FLG: variants seen among roughly 807,000 people sequenced by gnomAD.
FLG encodes epidermal filaggrin.
In FLG, 6 loss-of-function variants were observed where a neutral mutation model predicts 3.8. The ratio of observed to expected loss-of-function variants is 1.60; its 90% CI spans 0.87 to 3.15. The LOEUF is 3.15. FLG is among the 30% of genes most tolerant of loss of function. FLG has a pLI of 0.00. For missense variants in FLG, 7,595 were observed against 5,050.9 expected (o/e 1.50, Z -15.27); for synonymous variants, 2,551 against 1,931.6 (o/e 1.32, Z -8.41).
rs780477451 is a variant in FLG at position 152,310,153 on chromosome 1, T to A, written c.4733A>T (p.Gln1578Leu). Residue 1578 changes from glutamine (Q) to leucine (L), a missense_variant, in exon 3 of 3, where the codon CAG (glutamine) becomes CTG (leucine). By Grantham distance (113) the Gln-to-Leu change is moderately radical. Transcript: ENST00000368799. ...AGSSRHSQVG[Q>L]GESAGSKTSR... The stretch of plus-strand genomic sequence containing the variant: ...TGTCTTGGACCCCGCTGATTCTCCC[T>A]GGCCCACCTGTGAGTGTCTAGAGCT... The A allele has an allele frequency of 2.5e-6, 4 of 1,613,808 alleles. No homozygotes were observed. The African/African-American group carries it at 5.3e-5, about 22-fold the overall frequency.
At position 152,304,964 on chromosome 1, in the gene FLG, G is replaced by C. The variant is rs747461121; in HGVS notation, c.9922C>G (p.Gln3308Glu). Residue 3308 changes from glutamine (Q) to glutamate (E), a missense_variant, in exon 3 of 3, where the codon CAG becomes GAG. Transcript: ENST00000368799. Reference protein sequence around the residue: ...PGERHGSRHQQSADSSRHSGI... With the variant: ...PGERHGSRHQESADSSRHSGI... ...GAGTGTCTGGAGCTGTCTGCTGACT[G>C]CTGGTGGCGGGATCCGTGTCTCTCT... is the stretch of plus-strand genomic sequence containing the variant. The C allele has an allele frequency of 2.5e-6, 4 of 1,613,962 alleles. No individual in the cohort carries two copies. In the South Asian group the frequency reaches 4.4e-5, roughly 18 times the overall value.
rs74129461 is a variant in FLG, at chr1:152,312,623, C to T, written c.2263G>A (p.Glu755Lys). ...GACACTGACTGTGTGTCTGAGTCTT[C>T]TGAATGTCCCTCACTGTCAGTGGCC... is the stretch of plus-strand genomic sequence containing the variant. ...SQATDSEGHS[E>K]DSDTQSVSGH... The change falls in exon 3 of 3, where the codon GAA becomes AAA. Residue 755 changes from glutamate to lysine, a missense_variant. Coordinates refer to ENST00000368799, the MANE Select transcript of FLG (RefSeq NM_002016.2). 319,019 of 1,613,544 alleles carry T rather than the reference C, an allele frequency of 0.2. 41,828 individuals carry two copies. The highest frequency in any genetic ancestry group is 0.6 in the East Asian group (27,025 of 44,760).
chr1:152,307,168 C>G lies in FLG; in HGVS notation c.7718G>C (p.Ser2573Thr), dbSNP rs755679525. 1.2e-6 allele frequency: 2 copies of G among 1,612,904 alleles called. No individual in the cohort carries two copies. The highest frequency in any genetic ancestry group is 2.2e-5 in the East Asian group (1 of 44,798). ...CTCAGAGTCTTCTGAGTGTCCCTGACTGTCACTGTCCTGGCTAAAACTGGA... is the reference window on the plus strand; with the variant it reads ...CTCAGAGTCTTCTGAGTGTCCCTGAGTGTCACTGTCCTGGCTAAAACTGGA... ...WGSSFSQDSD[S>T]QGHSEDSERW... The change falls in exon 3 of 3, where the codon AGT (serine) becomes ACT (threonine). Residue 2573 changes from serine to threonine, a missense_variant. Physicochemically the swap from Ser to Thr is moderately conservative, Grantham distance 58 (BLOSUM62 1). Transcript: ENST00000368799.
rs369816027 is a variant in FLG at position 152,313,907 on chromosome 1, C to T, written c.979G>A (p.Glu327Lys). The change falls in exon 3 of 3, where the codon GAG (glutamate) becomes AAG (lysine). Residue 327 changes from glutamate (E) to lysine (K), a missense_variant. Glu to Lys is a moderately conservative substitution (Grantham distance 56). Transcript: ENST00000368799. ...TGTCTGGAGCCATCTCTTGACTGCT[C>T]CCACGCAGATCCATGATGGTTTCTG... The part of the protein sequence containing the change: ...ASRNHHGSAW[E>K]QSRDGSRHPR... 3.7e-6 allele frequency: 6 copies of T among 1,613,800 alleles called. No individual in the cohort carries two copies. The African/African-American group carries it at 6.7e-5, about 18-fold the overall frequency.
Position 152,303,546 on chromosome 1 carries a change from C to G in FLG, c.11340G>C (p.Arg3780Ser), listed in dbSNP as rs577463785. The G allele has an allele frequency of 6.2e-6, 10 of 1,613,982 alleles. No individual in the cohort carries two copies. Among genetic ancestry groups the G allele is most frequent in the East Asian group, 2.2e-5 (1 of 44,868 alleles). The change falls in exon 3 of 3, where the codon AGG becomes AGC. Residue 3780 changes from arginine to serine, a missense_variant. By Grantham distance (110) the Arg-to-Ser change is moderately radical. Transcript: ENST00000368799. ...TGTGATGGGACCCTGAGTGTCCAGA[C>G]CTATCTACCGATTGCTCGTGGTAGG... ...QGSYHEQSVD[R>S]SGHSGSHHSH...
chr1:152,315,533 T>C (rs1652759272), intron 1 of FLG, 56 bp from the exon 2 acceptor site: 2 of 1,335,928 alleles, frequency 1.5e-6, no homozygotes, highest in Non-Finnish European at 2.1e-6. Flanking sequence ...CTAGGTTATA[T>C]TATTACAATC....
rs571014503 is a variant in FLG, at chr1:152,303,689, C to G, written c.11197G>C (p.Gly3733Arg). ...AHGRAGPSTG[G>R]RQGSRHEQAR... ...TGCTCGTGGCGGGATCCTTGTCTTC[C>G]TCCAGTACTGGGCCCAGCCCGTCCA... The change falls in exon 3 of 3, where the codon GGA becomes CGA. Residue 3733 changes from glycine to arginine, a missense_variant. Gly to Arg is a moderately radical substitution (Grantham distance 125). Transcript: ENST00000368799. 2.7e-4 allele frequency: 440 copies of G among 1,613,922 alleles called. No homozygotes were observed. The highest frequency in any genetic ancestry group is 3.5e-4 in the Non-Finnish European group (413 of 1,179,986).
chr1:152,309,238 G>C lies in FLG; in HGVS notation c.5648C>G (p.Ser1883Trp). The C allele has an allele frequency of 1.2e-6, 2 of 1,613,476 alleles. No individual in the cohort carries two copies. The highest frequency in any genetic ancestry group is 2.2e-5 in the East Asian group (1 of 44,740). Residue 1883 changes from serine to tryptophan, a missense_variant, in exon 3 of 3, where the codon TCG becomes TGG. Physicochemically the swap from Ser to Trp is radical, Grantham distance 177. Transcript: ENST00000368799. The part of the protein sequence containing the change: ...QSGDGSRHSG[S>W]RHHEASSRAD... Reference sequence around the variant, plus strand: ...CCGAGAGGAAGCTTCATGGTGACGCGACCCTGAGTGCCTGGAGCCGTCTCC... The same window carrying C: ...CCGAGAGGAAGCTTCATGGTGACGCCACCCTGAGTGCCTGGAGCCGTCTCC...
Position 152,311,147 on chromosome 1 carries a change from A to T in FLG, c.3739T>A (p.Ser1247Thr). The change falls in exon 3 of 3, where the codon TCT becomes ACT. Residue 1247 changes from serine (S) to threonine (T), a missense_variant. By Grantham distance (58) the Ser-to-Thr change is moderately conservative. Transcript: ENST00000368799. ...HHEAASWADSSRHSQVGQEQS... is the reference protein window; with the variant it reads ...HHEAASWADSTRHSQVGQEQS... ...TCCTGTCCCACCTGTGAGTGTCTAG[A>T]GCTGTCAGCCCAAGAGGCAGCTTCA... The T allele has an allele frequency of 6.2e-7, 1 of 1,613,214 alleles. No individual in the cohort carries two copies. Among genetic ancestry groups the T allele is most frequent in the Admixed American group, 1.7e-5 (1 of 59,930 alleles).
Position 152,302,962 on chromosome 1 carries a change from C to T in FLG, c.11924G>A (p.Arg3975Lys), listed in dbSNP as rs1353627142. The T allele has an allele frequency of 6.2e-7, 1 of 1,614,180 alleles. No individual in the cohort carries two copies. Among genetic ancestry groups the T allele is most frequent in the East Asian group, 2.2e-5 (1 of 44,884 alleles). ...RQKGQSGLVW[R>K]HGSYGSADYD... The stretch of plus-strand genomic sequence containing the variant: ...ATCTGCACTACCATAGCTGCCATGT[C>T]TCCAAACTAAACCTGATTGACCTTT... The change falls in exon 3 of 3, where the codon AGA becomes AAA. Residue 3975 changes from arginine to lysine, a missense_variant. Coordinates refer to ENST00000368799, the MANE Select transcript of FLG (RefSeq NM_002016.2).
In FLG at chr1:152,313,830, G is replaced by C. The variant is rs760176246; in HGVS notation, c.1056C>G (p.Ser352Arg). 51 of 1,614,060 alleles carry C rather than the reference G, an allele frequency of 3.2e-5. No individual in the cohort carries two copies. Among genetic ancestry groups the C allele is most frequent in the Admixed American group, 2.3e-4 (14 of 60,012 alleles). ...CGTGACGAGTGCCTGATTGTCTGGA[G>C]CTGTCTGCAGAGTGCCCATGACTGG... ...DRASHGHSAD[S>R]SRQSGTRHAE... The change falls in exon 3 of 3, where the codon AGC becomes AGG. Residue 352 changes from serine (S) to arginine (R), a missense_variant. By Grantham distance (110) the Ser-to-Arg change is moderately radical. Coordinates refer to ENST00000368799, the MANE Select transcript of FLG (RefSeq NM_002016.2).
In FLG at chr1:152,304,570, C is replaced by A; in HGVS notation, c.10316G>T (p.Gly3439Val). Residue 3439 changes from glycine to valine, a missense_variant, in exon 3 of 3, where the codon GGG becomes GTG. By Grantham distance (109) the Gly-to-Val change is moderately radical. Coordinates refer to ENST00000368799, the MANE Select transcript of FLG (RefSeq NM_002016.2). Reference protein sequence around the residue: ...EGQDTIRGHPGSSRRGRQGSH... With the variant: ...EGQDTIRGHPVSSRRGRQGSH... ...TCCCTGCCTTCCTCTTCTGCTTGACCCCGGGTGTCCACGAATGGTGTCCTG... is the reference window on the plus strand; with the variant it reads ...TCCCTGCCTTCCTCTTCTGCTTGACACCGGGTGTCCACGAATGGTGTCCTG... The A allele has an allele frequency of 2.5e-6, 4 of 1,610,316 alleles. No homozygotes were observed. Among genetic ancestry groups the A allele is most frequent in the Non-Finnish European group, 2.5e-6 (3 of 1,178,210 alleles).
At position 152,309,941 on chromosome 1, in the gene FLG, T is replaced by C. The variant is rs542735959; in HGVS notation, c.4945A>G (p.Ser1649Gly). The C allele has an allele frequency of 1.0e-4, 162 of 1,613,952 alleles. No homozygotes were observed. The highest frequency in any genetic ancestry group is 1.3e-4 in the Non-Finnish European group (159 of 1,180,012). ...DRASHGHSAE[S>G]SRQSGTRHAE... ...TGACGAGTGCCTGATTGTCTGGAGC[T>C]CTCTGCAGAGTGCCCATGACTGGCT... Residue 1649 changes from serine to glycine, a missense_variant, in exon 3 of 3, where the codon AGC becomes GGC. Transcript: ENST00000368799.
In FLG at chr1:152,308,825, C is replaced by G. The variant is rs532032275; in HGVS notation, c.6061G>C (p.Gly2021Arg). 3.7e-6 allele frequency: 6 copies of G among 1,614,176 alleles called. No individual in the cohort carries two copies. Among genetic ancestry groups the G allele is most frequent in the South Asian group, 3.3e-5 (3 of 91,082 alleles). Reference protein sequence around the residue: ...LQSADSSRHSGIGHGQASSAV... With the variant: ...LQSADSSRHSRIGHGQASSAV... The stretch of plus-strand genomic sequence containing the variant: ...GATGAAGCTTGTCCATGCCCAATGC[C>G]TGAGTGTCTGGAGCTGTCTGCTGAC... Residue 2021 changes from glycine to arginine, a missense_variant, in exon 3 of 3, where the codon GGC becomes CGC. Coordinates refer to ENST00000368799, the MANE Select transcript of FLG (RefSeq NM_002016.2).
chr1:152,314,601 C>T lies in FLG; in HGVS notation c.285G>A (p.Pro95=), dbSNP rs768672802. 1.5e-5 allele frequency: 25 copies of T among 1,613,794 alleles called. No homozygotes were observed. Among genetic ancestry groups the T allele is most frequent in the East Asian group, 1.1e-4 (5 of 44,846 alleles). The change falls in exon 3 of 3, where the codon CCG becomes CCA. Residue 95 remains proline (P), a synonymous_variant. Coordinates refer to ENST00000368799, the MANE Select transcript of FLG (RefSeq NM_002016.2). ...GCTTTCTGTGCTTGTGTCCTGATATCGGTAAATTCTCTTTTCTGGTAGACT... is the reference window on the plus strand; with the variant it reads ...GCTTTCTGTGCTTGTGTCCTGATATTGGTAAATTCTCTTTTCTGGTAGACT... ...YYESTRKENL[P]ISGHKHRKHS... is the part of the protein sequence containing the mutation.
At position 152,308,936 on chromosome 1, in the gene FLG, A is replaced by T. The variant is rs1429313036; in HGVS notation, c.5950T>A (p.Ser1984Thr). The change falls in exon 3 of 3, where the codon TCT becomes ACT. Residue 1984 changes from serine (S) to threonine (T), a missense_variant. By Grantham distance (58) the Ser-to-Thr change is moderately conservative. Transcript: ENST00000368799. The part of the protein sequence containing the change: ...SRQSGTRHTE[S>T]SSRGQAASSH... ...GACGCAGCCTGTCCACGAGAGGAAGACTCTGTGTGACGAGTGCCTGATTGT... is the reference window on the plus strand; with the variant it reads ...GACGCAGCCTGTCCACGAGAGGAAGTCTCTGTGTGACGAGTGCCTGATTGT... 8.7e-6 allele frequency: 14 copies of T among 1,613,540 alleles called. No individual in the cohort carries two copies. The highest frequency in any genetic ancestry group is 5.5e-5 in the South Asian group (5 of 91,044).
At position 152,309,467 on chromosome 1, in the gene FLG, G is replaced by A. The variant is rs140164593; in HGVS notation, c.5419C>T (p.Gln1807Ter). ...ARDSSRHSAS[Q>*]EGQDTIRGHP... Reference sequence around the variant, plus strand: ...CCACGAATGGTGTCCTGACCCTCTTGGGACGCTGAGTGCCTGGAGCTGTCT... The same window carrying A: ...CCACGAATGGTGTCCTGACCCTCTTAGGACGCTGAGTGCCTGGAGCTGTCT... Residue 1807 changes from glutamine to a stop codon, truncating the protein, a stop_gained, in exon 3 of 3, where the codon CAA becomes TAA. Coordinates refer to ENST00000368799, the MANE Select transcript of FLG (RefSeq NM_002016.2). LOFTEE classifies it low-confidence loss of function (END_TRUNC). The A allele has an allele frequency of 1.8e-5, 29 of 1,613,298 alleles. No homozygotes were observed. The African/African-American group carries it at 3.7e-4, about 21-fold the overall frequency.
Position 152,308,063 on chromosome 1 carries a change from A to G in FLG, c.6823T>C (p.Ser2275Pro), listed in dbSNP as rs778091516. The change falls in exon 3 of 3, where the codon TCA becomes CCA. Residue 2275 changes from serine to proline, a missense_variant. Coordinates refer to ENST00000368799, the MANE Select transcript of FLG (RefSeq NM_002016.2). ...RNHHGSAQEQ[S>P]RDGSRHPRSH... is the part of the protein sequence containing the mutation. ...CTGGGGTGTCTGGAGCCATCTCTTG[A>G]CTGCTCCTGAGCAGATCCATGATGG... 1.1e-5 allele frequency: 18 copies of G among 1,613,536 alleles called. No homozygotes were observed. Among genetic ancestry groups the G allele is most frequent in the African/African-American group, 8.0e-5 (6 of 74,756 alleles).
chr1:152,318,408 C>G (rs1652855233), intron 1 of FLG, among the ~76,000 whole-genome samples: 2 of 151,886 alleles, frequency 1.3e-5, no homozygotes, highest in Admixed American at 1.3e-4. Flanking sequence ...CCATTCCTTT[C>G]TTAATGGAGT....
Sources: gnomAD v4.1 joint callset for allele counts (sites outside exome capture counted in the v4.1 genomes callset) on GRCh38, gnomAD v4.1.1 for gene constraint, MANE v1.5 for transcripts, NCBI Gene and HGNC (gene_info 2026-07-23, HGNC 2026-07-21) for gene names.